Variants in DMD observed in about 807,000 individuals in gnomAD.
DMD encodes the protein dystrophin, also known as mutant dystrophin.
Under a neutral mutation model 330.1 loss-of-function variants are expected in DMD, and 63 were observed. The ratio of observed to expected loss-of-function variants is 0.19; its 90% CI spans 0.16 to 0.24. The LOEUF (loss-of-function observed/expected upper bound fraction) is 0.24. Ranked by LOEUF, DMD falls within the 10% of genes least tolerant of loss-of-function variation. The pLI, the probability that DMD is intolerant of heterozygous loss-of-function variation, is 1.00. For synonymous variants in DMD, 1,223 were observed against 959.8 expected (o/e 1.27, Z -5.07); for missense variants, 3,344 against 2,684.1 (o/e 1.25, Z -5.43).
At chrX:33,166,192 A>T (rs940078760) in intron 1 of DMD, among the ~76,000 whole-genome samples, 2 of 111,260 alleles carry the variant, frequency 1.8e-5, no homozygotes, top group Admixed American at 9.6e-5. Context: ...TAGTTTGAAT[A>T]GTAGTCTAGG....
At chrX:32,520,015 T>C (rs764418386) in intron 17 of DMD, among the ~76,000 whole-genome samples, 9 of 111,695 alleles carry the variant, frequency 8.1e-5, no homozygotes, top group Non-Finnish European at 1.7e-4. Context: ...AGCATACAGA[T>C]TGAGTTGTTA....
intron 77 of DMD, among the ~76,000 whole-genome samples, chrX:31,129,330 C>G (rs2034176447): frequency 8.9e-6 from 1 of 111,769 alleles, no homozygotes; most frequent in African/African-American, 3.2e-5. Context: ...ATTCAAATGG[C>G]CACACTTGCA....
chrX:32,244,838 T>C (rs1248680691), intron 43 of DMD, among the ~76,000 whole-genome samples: 3 of 64,739 alleles, frequency 4.6e-5, no homozygotes, highest in Non-Finnish European at 8.7e-5. Flanking sequence ...TTTGTTTGAG[T>C]TCATTGTAGA....
intron 27 of DMD, among the ~76,000 whole-genome samples, chrX:32,446,409 G>GAA (rs1387418271): frequency 9.7e-6 from 1 of 103,191 alleles, no homozygotes. Context: ...AGTGTTGTAG[G>GAA]AAAAAAAAAA....
intron 27 of DMD, 76 bp from the exon 28 acceptor site, chrX:32,441,390 A>C (rs2098280997): frequency 2.0e-6 from 2 of 980,724 alleles, no homozygotes; most frequent in Non-Finnish European, 2.9e-6. Context: ...TTTCATTATT[A>C]AAACTTCTGA....
chrX:31,219,308 G>A (rs1318271657), intron 64 of DMD, among the ~76,000 whole-genome samples: 8 of 110,699 alleles, frequency 7.2e-5, no homozygotes, highest in African/African-American at 2.6e-4. Context: ...TGGCTCCCAA[G>A]TGCTAAGCGT....
intron 1 of DMD, among the ~76,000 whole-genome samples, chrX:33,050,187 T>G (rs1318545859): frequency 8.9e-6 from 1 of 112,019 alleles, no homozygotes; most frequent in Admixed American, 9.5e-5. Context: ...TGAGGCCAAC[T>G]TTGATCAAAA....
chrX:33,126,838 G>C (rs2095468104), intron 1 of DMD, among the ~76,000 whole-genome samples: 1 of 111,607 alleles, frequency 9.0e-6, no homozygotes, highest in African/African-American at 3.3e-5. Context: ...TGTCAGGCAA[G>C]ACAGGGCTTA....
chrX:32,329,937 A>G, intron 41 of DMD, among the ~76,000 whole-genome samples: 1 of 112,187 alleles, frequency 8.9e-6, no homozygotes, highest in Non-Finnish European at 1.9e-5. Flanking sequence ...TGCATCTTTC[A>G]TCCATGGATT....
chrX:31,235,061 C>A (rs1316452696), intron 63 of DMD, among the ~76,000 whole-genome samples: 2 of 111,538 alleles, frequency 1.8e-5, no homozygotes, highest in African/African-American at 6.5e-5. Flanking sequence ...GTGGTTCTTG[C>A]TAAACTGATT....
chrX:31,538,480 G>C (rs2073578224), intron 55 of DMD, among the ~76,000 whole-genome samples: 1 of 111,590 alleles, frequency 9.0e-6, no homozygotes, highest in African/African-American at 3.3e-5. Flanking sequence ...CTAATGTTTG[G>C]AACATCAATA....
chrX:32,771,503 TACACAC>T lies in DMD; in HGVS notation c.649+37984_649+37989del, dbSNP rs754545800. Among the ~76,000 whole-genome samples, 222 of 105,799 alleles carry T rather than the reference TACACAC, an allele frequency of 2.1e-3. No homozygotes were observed. In the Middle Eastern group the frequency reaches 0.029, roughly 14 times the overall value. 91.9% of individuals were successfully genotyped at this position (105,799 alleles called of 115,157 possible). A position where few individuals can be genotyped will look rare whatever the true frequency, so the allele number is the denominator to read the frequency against. On this transcript the variant is annotated intron_variant, in intron 7 of 78. Coordinates refer to ENST00000357033, the MANE Select transcript of DMD (RefSeq NM_004006.3). ...AAATTCCCTAATCCCATTTTGTTAA[TACACAC>T]ACACACACACACACACTCTGCCACT...
At chrX:31,901,161 T>C (rs1203916415) in intron 47 of DMD, among the ~76,000 whole-genome samples, 2 of 111,759 alleles carry the variant, frequency 1.8e-5, no homozygotes, top group Non-Finnish European at 3.8e-5. Context: ...CTGTCTTTAA[T>C]GGGACAGAGT....
intron 30 of DMD, among the ~76,000 whole-genome samples, chrX:32,403,064 C>T (rs899249242): frequency 9.0e-6 from 1 of 111,225 alleles, no homozygotes; most frequent in Admixed American, 9.7e-5. Flanking sequence ...TACAGCTGAA[C>T]TTTAGTGGTT....
At chrX:32,255,869 T>C (rs1341184816) in intron 43 of DMD, among the ~76,000 whole-genome samples, 4 of 111,913 alleles carry the variant, frequency 3.6e-5, no homozygotes, top group African/African-American at 9.7e-5. Context: ...CTTTCTTCTT[T>C]TATTGAAGAT....
intron 2 of DMD, among the ~76,000 whole-genome samples, chrX:32,937,660 G>A (rs940648337): frequency 9.2e-6 from 1 of 108,257 alleles, no homozygotes; most frequent in Non-Finnish European, 1.9e-5. Context: ...GGAGGTACAC[G>A]AGGTATACAT....
At chrX:31,973,562 C>T (rs902841984) in intron 44 of DMD, among the ~76,000 whole-genome samples, 14 of 110,697 alleles carry the variant, frequency 1.3e-4, no homozygotes, top group African/African-American at 4.3e-4. Flanking sequence ...TTCTCGGCTC[C>T]GTCTCCTGCC....
intron 18 of DMD, among the ~76,000 whole-genome samples, chrX:32,506,148 G>C (rs1246725661): frequency 3.6e-5 from 4 of 111,581 alleles, no homozygotes; most frequent in African/African-American, 1.3e-4. Flanking sequence ...GGCACCAATA[G>C]GGAAAGCTAA....
chrX:31,746,548 G>A (rs774649890), intron 51 of DMD, among the ~76,000 whole-genome samples: 11 of 111,803 alleles, frequency 9.8e-5, no homozygotes, highest in Middle Eastern at 4.6e-3. Context: ...GTAGAAATTA[G>A]TCAAATATGG....
Sources: gnomAD v4.1 joint callset for allele counts (sites outside exome capture counted in the v4.1 genomes callset) on GRCh38, gnomAD v4.1.1 for gene constraint, MANE v1.5 for transcripts, NCBI Gene and HGNC (gene_info 2026-07-23, HGNC 2026-07-21) for gene names.